Variants in ROPN1 observed in about 807,000 individuals in gnomAD.
ROPN1 encodes the protein ropporin-1A.
A neutral mutation model predicts 20.5 loss-of-function variants in ROPN1; 14 were observed. The observed-to-expected ratio is 0.68, with a 90% CI of 0.45 to 1.07. The LOEUF is 1.07. Among genes scored for constraint, ROPN1 ranks in the 50% least tolerant of loss-of-function variants. ROPN1 has a pLI of 0.00. For synonymous variants in ROPN1, 76 were observed against 95.7 expected, an observed-to-expected ratio of 0.79 and a Z score of 1.20; for missense variants, 169 against 242.8, an observed-to-expected ratio of 0.70 and a Z score of 2.02.
intron 1 of ROPN1, among the ~76,000 whole-genome samples, chr3:123,988,031 G>T (rs1473042917): frequency 2.6e-5 from 4 of 152,160 alleles, no homozygotes; most frequent in Non-Finnish European, 5.9e-5. Context: ...CTGATTTGGG[G>T]ACCTGGTGTA....
At chr3:123,990,784 A>C (rs748305658) in intron 1 of ROPN1, among the ~76,000 whole-genome samples, 1 of 152,216 alleles carries the variant, frequency 6.6e-6, no homozygotes, top group Non-Finnish European at 1.5e-5. Context: ...ATGCCTCTCA[A>C]TGTAAAATGG....
intron 1 of ROPN1, among the ~76,000 whole-genome samples, chr3:123,987,312 A>G (rs949247526): frequency 6.6e-6 from 1 of 152,170 alleles, no homozygotes; most frequent in African/African-American, 2.4e-5. Flanking sequence ...GCTTCAGTGT[A>G]TGGTAGCCTG....
chr3:123,975,913 C>A (rs1439907888), intron 3 of ROPN1, among the ~76,000 whole-genome samples: 1 of 152,070 alleles, frequency 6.6e-6, no homozygotes, highest in Non-Finnish European at 1.5e-5. Flanking sequence ...TTACCTGAGA[C>A]CACTAATGAA....
intron 3 of ROPN1, among the ~76,000 whole-genome samples, 170 bp downstream of exon 3, chr3:123,976,694 T>C (rs536860039): frequency 6.6e-6 from 1 of 152,312 alleles, no homozygotes; most frequent in East Asian, 1.9e-4. Context: ...TATTTCAAAA[T>C]TATTCCCATT....
intron 1 of ROPN1, 44 bp from the exon 2 acceptor site, chr3:123,980,537 T>G: frequency 6.3e-7 from 1 of 1,581,900 alleles, no homozygotes; most frequent in East Asian, 2.2e-5. Context: ...AAACTTCGAT[T>G]CATACGATGA....
At chr3:123,983,742 T>G (rs1171866632) in intron 1 of ROPN1, among the ~76,000 whole-genome samples, 1 of 152,188 alleles carries the variant, frequency 6.6e-6, no homozygotes, top group African/African-American at 2.4e-5. Context: ...ATCTATTAAT[T>G]TATTGTAAGT....
At chr3:123,980,821 T>C (rs2038130073) in intron 1 of ROPN1, 1 of 214,450 alleles carries the variant, frequency 4.7e-6, no homozygotes, top group Non-Finnish European at 9.2e-6. Context: ...TATATATATG[T>C]TTGTAAAATA....
At chr3:123,990,595 C>T (rs2038385042) in intron 1 of ROPN1, among the ~76,000 whole-genome samples, 1 of 152,206 alleles carries the variant, frequency 6.6e-6, no homozygotes, top group Non-Finnish European at 1.5e-5. Context: ...TTGTTCACAT[C>T]AAAGAAGTGG....
At chr3:123,984,801 A>G (rs545723385) in intron 1 of ROPN1, among the ~76,000 whole-genome samples, 102 of 152,076 alleles carry the variant, frequency 6.7e-4, no homozygotes, top group African/African-American at 2.4e-3. Flanking sequence ...CACTGTTAAC[A>G]GTAATCTATC....
intron 2 of ROPN1, among the ~76,000 whole-genome samples, chr3:123,977,650 G>A (rs1480983213): frequency 6.6e-6 from 1 of 152,250 alleles, no homozygotes; most frequent in African/African-American, 2.4e-5. Flanking sequence ...AGGGAAGGGA[G>A]AGAGCATTGG....
chr3:123,970,852 G>C (rs1364719539), intron 4 of ROPN1, among the ~76,000 whole-genome samples: 3 of 152,152 alleles, frequency 2.0e-5, no homozygotes, highest in Non-Finnish European at 4.4e-5. Flanking sequence ...TTGACAATGA[G>C]TGCCAGGAAT....
chr3:123,973,640 C>G (rs1432229295), intron 4 of ROPN1, among the ~76,000 whole-genome samples: 2 of 152,168 alleles, frequency 1.3e-5, no homozygotes, highest in East Asian at 3.8e-4. Flanking sequence ...TTTCCAAAGT[C>G]ACTCTTTGTT....
At chr3:123,981,882 G>T (rs1232068676) in intron 1 of ROPN1, among the ~76,000 whole-genome samples, 7 of 151,972 alleles carry the variant, frequency 4.6e-5, no homozygotes, top group Non-Finnish European at 1.5e-5. Context: ...GAGGAAAAAA[G>T]GAATTTTTTA....
rs773380670 is a variant in ROPN1, at chr3:123,980,437, C to T, written c.45G>A (p.Pro15=). The change falls in exon 2 of 6, where the codon CCG becomes CCA. Residue 15 remains proline (P), a synonymous_variant. Coordinates refer to ENST00000405845, the MANE Select transcript of ROPN1 (RefSeq NM_001317774.2). ...DKPTCIPPEL[P]KMLKEFAKAA... Reference sequence around the variant, plus strand: ...CTTTGGCAAACTCCTTCAGCATCTTCGGCAGCTCCGGCGGGATGCATGTTG... The same window carrying T: ...CTTTGGCAAACTCCTTCAGCATCTTTGGCAGCTCCGGCGGGATGCATGTTG... The T allele has an allele frequency of 1.1e-5, 18 of 1,614,054 alleles. No individual in the cohort carries two copies. Among genetic ancestry groups the T allele is most frequent in the East Asian group, 2.2e-5 (1 of 44,892 alleles).
At chr3:123,970,369 C>G in intron 4 of ROPN1, 152 bp from the exon 5 acceptor site, 1 of 659,488 alleles carries the variant, frequency 1.5e-6, no homozygotes, top group Non-Finnish European at 2.6e-6. Context: ...TTTTTACATT[C>G]AAATGTCACT....
chr3:123,980,356 G>C lies in ROPN1; in HGVS notation c.116+10C>G, dbSNP rs1178484952. 4 of 1,614,018 alleles carry C rather than the reference G, an allele frequency of 2.5e-6. No individual in the cohort carries two copies. The highest frequency in any genetic ancestry group is 3.4e-6 in the Non-Finnish European group (4 of 1,179,880). ...CCTCCAAGGGGTGAAGGCGAGAAAG[G>C]AGCACGTACTCGGCTGCCCACTGGA... On this transcript the variant is annotated intron_variant, in intron 2 of 5. Coordinates refer to ENST00000405845, the MANE Select transcript of ROPN1 (RefSeq NM_001317774.2).
chr3:123,983,042 CT>C (rs915784442), intron 1 of ROPN1, among the ~76,000 whole-genome samples: 2 of 151,934 alleles, frequency 1.3e-5, no homozygotes, highest in African/African-American at 4.8e-5. Context: ...TCAGAATTTC[CT>C]TTTTTTTGGA....
At chr3:123,978,199 G>T (rs1435707567) in intron 2 of ROPN1, among the ~76,000 whole-genome samples, 1 of 151,910 alleles carries the variant, frequency 6.6e-6, no homozygotes, top group Non-Finnish European at 1.5e-5. Flanking sequence ...CCCCTTGGAG[G>T]TCATCAGCAG....
rs376450544 is a variant in ROPN1 at position 123,970,149 on chromosome 3, C to G, written c.465G>C (p.Arg155=). The change falls in exon 5 of 6, where the codon CGG becomes CGC. Residue 155 remains arginine, a synonymous_variant. Coordinates refer to ENST00000405845, the MANE Select transcript of ROPN1 (RefSeq NM_001317774.2). ...LSCDHNGGSP[R]IPFSTFQFLY... is the part of the protein sequence containing the mutation. ...GAAACTGGAAGGTGCTGAACGGGAT[C>G]CGGGGCGACCCACCATTATGGTCAC... 1.2e-6 allele frequency: 2 copies of G among 1,614,000 alleles called. No homozygotes were observed. The highest frequency in any genetic ancestry group is 1.7e-6 in the Non-Finnish European group (2 of 1,180,000).
Sources: gnomAD v4.1 joint callset for allele counts (sites outside exome capture counted in the v4.1 genomes callset) on GRCh38, gnomAD v4.1.1 for gene constraint, MANE v1.5 for transcripts, NCBI Gene and HGNC (gene_info 2026-07-23, HGNC 2026-07-21) for gene names.